Variants in DCC observed in about 807,000 individuals in gnomAD.
DCC encodes the protein netrin receptor DCC.
A neutral mutation model predicts 172.5 loss-of-function variants in DCC; 58 were observed. The ratio of observed to expected loss-of-function variants is 0.34; its 90% CI spans 0.27 to 0.42. The LOEUF is 0.42. Ranked by LOEUF, DCC falls within the 10% of genes least tolerant of loss-of-function variation. The probability of loss-of-function intolerance (pLI) is 1.00; values close to 1 mark genes in which losing one functional copy is unlikely to be tolerated. For missense variants in DCC, 1,740 were observed against 1,791.0 expected, an observed-to-expected ratio of 0.97 and a Z score of 0.51; for synonymous variants, 709 against 644.5, an observed-to-expected ratio of 1.10 and a Z score of -1.52.
intron 7 of DCC, among the ~76,000 whole-genome samples, chr18:53,068,089 A>G (rs2042599562): frequency 6.6e-6 from 1 of 152,174 alleles, no homozygotes; most frequent in Admixed American, 6.5e-5. Flanking sequence ...CTGGCTCAAG[A>G]TCACCAGTTT....
At chr18:53,256,984 G>T (rs897714920) in intron 12 of DCC, among the ~76,000 whole-genome samples, 1 of 152,088 alleles carries the variant, frequency 6.6e-6, no homozygotes, top group African/African-American at 2.4e-5. Context: ...ATTGTGAATG[G>T]GAATTCACTC....
chr18:53,040,098 G>A (rs1427826996), intron 5 of DCC, among the ~76,000 whole-genome samples: 1 of 151,822 alleles, frequency 6.6e-6, no homozygotes, highest in Non-Finnish European at 1.5e-5. Flanking sequence ...AATGCAGGGT[G>A]TGAAAAAAAG....
intron 23 of DCC, among the ~76,000 whole-genome samples, chr18:53,455,768 T>C (rs2045475257): frequency 6.6e-6 from 1 of 152,334 alleles, no homozygotes; most frequent in African/African-American, 2.4e-5. Flanking sequence ...CTTCTACTTT[T>C]TCATGCACAC....
At chr18:53,351,326 A>AG (rs2057795385) in intron 15 of DCC, among the ~76,000 whole-genome samples, 1 of 56,926 alleles carries the variant, frequency 1.8e-5, no homozygotes, top group Admixed American at 2.0e-4. Context: ...CACTGTATAT[A>AG]TATATACAGT....
intron 15 of DCC, among the ~76,000 whole-genome samples, chr18:53,369,006 A>T (rs141010607): frequency 1.7e-3 from 252 of 152,082 alleles, no homozygotes; most frequent in Middle Eastern, 6.8e-3. Context: ...ATTGCATTGA[A>T]TCTGTAAAAC....
intron 1 of DCC, among the ~76,000 whole-genome samples, chr18:52,570,430 T>C (rs917616415): frequency 1.3e-5 from 2 of 152,218 alleles, no homozygotes; most frequent in African/African-American, 2.4e-5. Context: ...TGGTTTTGCA[T>C]GAAACTTTAA....
intron 5 of DCC, among the ~76,000 whole-genome samples, chr18:52,934,401 G>A (rs570259554): frequency 1.3e-5 from 2 of 152,186 alleles, no homozygotes; most frequent in South Asian, 2.1e-4. Flanking sequence ...TGCTGTTCAT[G>A]CTTTCTTCAC....
chr18:52,340,717 CGTGTGTGAGTGCAT>C lies in DCC; in HGVS notation c.-58_-45del, dbSNP rs988575428. The C allele has an allele frequency of 5.4e-5, 57 of 1,046,526 alleles. No homozygotes were observed. The highest frequency in any genetic ancestry group is 1.7e-4 in the East Asian group (7 of 42,238). The allele number at this position is 1,046,526 out of a possible 1,614,324, so 64.8% of individuals were successfully genotyped here. ...GCGCGTGTGTGTGCATGTGTGCATGCGTGTGTGAGTGCATGTGTGTGAGTGCTGCCGCTGCCCGC... is the reference window on the plus strand; with the variant it reads ...GCGCGTGTGTGTGCATGTGTGCATGCGTGTGTGAGTGCTGCCGCTGCCCGC... On this transcript the variant is annotated 5_prime_UTR_variant, in exon 1 of 29. An upstream start codon of the reference 5' UTR is lost. Transcript: ENST00000442544.
intron 15 of DCC, among the ~76,000 whole-genome samples, chr18:53,384,973 GAGTA>G (rs1235472776): frequency 4.0e-5 from 6 of 148,716 alleles, no homozygotes; most frequent in Admixed American, 4.0e-4. Flanking sequence ...TCAGCTTCCC[GAGTA>G]GCTGGGACTC....
At chr18:53,094,848 T>G (rs2043062740) in intron 7 of DCC, among the ~76,000 whole-genome samples, 1 of 152,168 alleles carries the variant, frequency 6.6e-6, no homozygotes, top group South Asian at 2.1e-4. Flanking sequence ...CATTTAATAT[T>G]TTCTGAGGCC....
chr18:53,512,266 A>AAAAC (rs1424458417), intron 27 of DCC, among the ~76,000 whole-genome samples: 1 of 150,238 alleles, frequency 6.7e-6, no homozygotes, highest in Non-Finnish European at 1.5e-5. Context: ...TGTTAGAAGG[A>AAAAC]AAACTAACAA....
rs551419234 is a variant in DCC at position 53,190,900 on chromosome 18, C to T, written c.1573+11784C>T. Among the ~76,000 whole-genome samples the T allele has an allele frequency of 3.0e-3, 457 of 152,236 alleles. 1 individual carries two copies. The highest frequency in any genetic ancestry group is 5.5e-3 in the Non-Finnish European group (372 of 68,008). On this transcript the variant is annotated intron_variant, in intron 9 of 28. Transcript: ENST00000442544. ...GGCGGAGCTTGCAGTGAGCCGAGAT[C>T]GCGTCACTGCACTCTTGCCTGGGAG...
chr18:52,421,041 C>T (rs573380342), intron 1 of DCC, among the ~76,000 whole-genome samples: 3 of 152,154 alleles, frequency 2.0e-5, no homozygotes, highest in East Asian at 1.9e-4. Context: ...TTCACCTTAT[C>T]GAATAATGAT....
intron 1 of DCC, among the ~76,000 whole-genome samples, chr18:52,692,005 T>C (rs2035936910): frequency 6.6e-6 from 1 of 152,174 alleles, no homozygotes; most frequent in African/African-American, 2.4e-5. Flanking sequence ...TGCCAAATCT[T>C]TCCTCTATTT....
chr18:52,938,901 G>A (rs137896773), intron 5 of DCC, among the ~76,000 whole-genome samples: 1 of 151,142 alleles, frequency 6.6e-6, no homozygotes, highest in African/African-American at 2.4e-5. Flanking sequence ...TTCATAACCT[G>A]GACCAGTCCT....
intron 5 of DCC, among the ~76,000 whole-genome samples, chr18:53,008,933 A>G (rs754297331): frequency 1.3e-5 from 2 of 151,950 alleles, no homozygotes; most frequent in Non-Finnish European, 2.9e-5. Context: ...CGTATTTCTA[A>G]CCTGAGAAGT....
intron 1 of DCC, among the ~76,000 whole-genome samples, chr18:52,630,451 G>T (rs1036827039): frequency 1.3e-5 from 2 of 152,098 alleles, no homozygotes; most frequent in African/African-American, 4.8e-5. Context: ...TTCCTTATTC[G>T]TAAGTAGGAA....
At chr18:53,204,630 T>A (rs2144548071) in intron 9 of DCC, among the ~76,000 whole-genome samples, 1 of 152,224 alleles carries the variant, frequency 6.6e-6, no homozygotes, top group East Asian at 1.9e-4. Context: ...TTATTTATCC[T>A]TCTTAAGTAA....
At chr18:53,434,956 C>T (rs538759810) in intron 21 of DCC, among the ~76,000 whole-genome samples, 188 bp from the exon 22 acceptor site, 27 of 152,032 alleles carry the variant, frequency 1.8e-4, no homozygotes, top group East Asian at 9.6e-4. Context: ...TTTACTTTTG[C>T]GACTTGTTTT....
Sources: gnomAD v4.1 joint callset for allele counts (sites outside exome capture counted in the v4.1 genomes callset) on GRCh38, gnomAD v4.1.1 for gene constraint, MANE v1.5 for transcripts, NCBI Gene and HGNC (gene_info 2026-07-23, HGNC 2026-07-21) for gene names.